ANKS3: variants seen among roughly 807,000 people sequenced by gnomAD.
ANKS3 encodes ankyrin repeat and SAM domain-containing protein 3.
Under a neutral mutation model 80.7 loss-of-function variants are expected in ANKS3, and 62 were observed. The ratio of observed to expected loss-of-function variants is 0.77; its 90% CI spans 0.63 to 0.95. ANKS3 has a LOEUF of 0.95. Ranked by LOEUF, ANKS3 falls within the 40% of genes least tolerant of loss-of-function variation. The pLI is 0.00. For synonymous variants in ANKS3, 489 were observed against 355.3 expected, an observed-to-expected ratio of 1.38 and a Z score of -4.23; for missense variants, 1,150 against 883.6, an observed-to-expected ratio of 1.30 and a Z score of -3.82.
intron 16 of ANKS3, 100 bp from the exon 17 acceptor site, chr16:4,697,204 C>G (rs752152210): frequency 6.4e-7 from 1 of 1,554,674 alleles, no homozygotes; most frequent in South Asian, 1.1e-5. Context: ...GCCCCTCACC[C>G]GTTATGGCCC....
intron 11 of ANKS3, chr16:4,700,468 G>A (rs968952147): frequency 2.9e-5 from 7 of 238,320 alleles, no homozygotes; most frequent in East Asian, 1.2e-4. Context: ...TCTCCTCTCC[G>A]TGCCTCTTCT....
At chr16:4,723,244 C>T (rs1026546535) in intron 6 of ANKS3, among the ~76,000 whole-genome samples, 3 of 152,188 alleles carry the variant, frequency 2.0e-5, no homozygotes, top group Non-Finnish European at 4.4e-5. Flanking sequence ...GTTGTTCAAC[C>T]ATCACCACAA....
Position 4,714,076 on chromosome 16 carries a change from C to T in ANKS3, c.684G>A (p.Leu228=). 6.2e-7 allele frequency: 1 copy of T among 1,614,158 alleles called. No individual in the cohort carries two copies. Among genetic ancestry groups the T allele is most frequent in the Non-Finnish European group, 8.5e-7 (1 of 1,180,020 alleles). ...CTGGGCTCCGATAGAGGCTCTTGGG[C>T]AGAGAGGGCGAGTAAGTGTCCATCA... The part of the protein sequence containing the change: ...VALMDTYSPS[L]PKSLYRSPEK... Residue 228 remains leucine, a synonymous_variant, in exon 7 of 18, where the codon CTG becomes CTA. Transcript: ENST00000304283.
intron 7 of ANKS3, among the ~76,000 whole-genome samples, chr16:4,712,580 T>A (rs1431226460): frequency 6.6e-6 from 1 of 152,154 alleles, no homozygotes; most frequent in African/African-American, 2.4e-5. Flanking sequence ...AAATTCACCA[T>A]CGTCTCCAAA....
intron 8 of ANKS3, among the ~76,000 whole-genome samples, chr16:4,704,510 A>G (rs1477453930): frequency 1.3e-5 from 2 of 152,162 alleles, no homozygotes; most frequent in African/African-American, 4.8e-5. Flanking sequence ...AAGAAACCCC[A>G]GCACTCCCCA....
intron 8 of ANKS3, among the ~76,000 whole-genome samples, chr16:4,703,652 C>T (rs1444017241): frequency 6.6e-6 from 1 of 152,154 alleles, no homozygotes; most frequent in Non-Finnish European, 1.5e-5. Flanking sequence ...ATCTCTTGAT[C>T]CACCTGCCTC....
intron 7 of ANKS3, 147 bp from the exon 8 acceptor site, chr16:4,705,400 C>A: frequency 2.1e-6 from 2 of 962,338 alleles, no homozygotes. Flanking sequence ...CTGAGAAATG[C>A]CCTAACAGGC....
chr16:4,733,276 T>C (rs922939740), intron 1 of ANKS3, among the ~76,000 whole-genome samples: 1 of 150,144 alleles, frequency 6.7e-6, no homozygotes, highest in Non-Finnish European at 1.5e-5. Flanking sequence ...TATAATCTAA[T>C]TGCACATTTT....
chr16:4,710,811 T>A (rs955396381), intron 7 of ANKS3, among the ~76,000 whole-genome samples: 2 of 152,230 alleles, frequency 1.3e-5, no homozygotes, highest in African/African-American at 4.8e-5. Context: ...TCTATTTACT[T>A]TTCTTTGAGA....
chr16:4,707,537 C>G lies in ANKS3; in HGVS notation c.710-2284G>C, dbSNP rs1057437137. Among the ~76,000 whole-genome samples the G allele has an allele frequency of 3.0e-4, 45 of 152,210 alleles. 1 individual carries two copies. The highest frequency in any genetic ancestry group is 2.8e-3 in the Admixed American group (43 of 15,274). On this transcript the variant is annotated intron_variant, in intron 7 of 17. Coordinates refer to ENST00000304283, the MANE Select transcript of ANKS3 (RefSeq NM_133450.4). ...CCTCAGGGGATCTGCCCGCCTTGGC[C>G]TCCCAAAGTGCTCGGATTACAGGTA...
chr16:4,719,662 G>A (rs1279441507), intron 6 of ANKS3, among the ~76,000 whole-genome samples: 3 of 151,472 alleles, frequency 2.0e-5, no homozygotes, highest in Admixed American at 6.6e-5. Context: ...AGCCAGGCGT[G>A]GTAGTGCGTG....
At chr16:4,724,941 C>T (rs1200413836) in intron 5 of ANKS3, 110 bp from the exon 6 acceptor site, 4 of 817,420 alleles carry the variant, frequency 4.9e-6, no homozygotes, top group South Asian at 3.3e-5. Context: ...GATCCCTAAG[C>T]GTAGAACACT....
At chr16:4,712,095 G>A (rs952904482) in intron 7 of ANKS3, among the ~76,000 whole-genome samples, 5 of 152,232 alleles carry the variant, frequency 3.3e-5, no homozygotes, top group African/African-American at 1.2e-4. Flanking sequence ...ACCACGCCGG[G>A]AGCGGTGGCT....
At chr16:4,706,446 AG>A (rs1287266656) in intron 7 of ANKS3, among the ~76,000 whole-genome samples, 1 of 152,254 alleles carries the variant, frequency 6.6e-6, no homozygotes, top group East Asian at 1.9e-4. Context: ...CATGTTGGCC[AG>A]GCTGGTCTCG....
chr16:4,723,202 T>C (rs186534067), intron 6 of ANKS3, among the ~76,000 whole-genome samples: 1 of 152,328 alleles, frequency 6.6e-6, no homozygotes, highest in East Asian at 1.9e-4. Flanking sequence ...CCACTTACAA[T>C]GTACAATTCA....
intron 8 of ANKS3, among the ~76,000 whole-genome samples, chr16:4,704,157 C>T (rs937568567): frequency 6.6e-6 from 1 of 152,230 alleles, no homozygotes; most frequent in African/African-American, 2.4e-5. Context: ...TCAGCTCACC[C>T]TTCCCAGGAT....
At position 4,713,324 on chromosome 16, in the gene ANKS3, T is replaced by C. The variant is rs146656825; in HGVS notation, c.709+727A>G. Among the ~76,000 whole-genome samples the C allele has an allele frequency of 2.0e-4, 30 of 151,732 alleles. No homozygotes were observed. The East Asian group carries it at 5.0e-3, about 25-fold the overall frequency. Reference sequence around the variant, plus strand: ...ACTGCCTTCAAATGCACTGACAATATGCAGTGAAACGATATAATGACACCA... The same window carrying C: ...ACTGCCTTCAAATGCACTGACAATACGCAGTGAAACGATATAATGACACCA... On this transcript the variant is annotated intron_variant, in intron 7 of 17. Coordinates refer to ENST00000304283, the MANE Select transcript of ANKS3 (RefSeq NM_133450.4).
chr16:4,718,151 C>T (rs1012634778), intron 6 of ANKS3, among the ~76,000 whole-genome samples: 1 of 151,700 alleles, frequency 6.6e-6, no homozygotes, highest in Non-Finnish European at 1.5e-5. Flanking sequence ...CAACTCCAGC[C>T]TCAAGCGATC....
Position 4,714,111 on chromosome 16 carries a change from T to C in ANKS3, c.649A>G (p.Ile217Val). The change falls in exon 7 of 18, where the codon ATC (isoleucine) becomes GTC (valine). Residue 217 changes from isoleucine to valine, a missense_variant. Ile to Val is a conservative substitution (Grantham distance 29). Coordinates refer to ENST00000304283, the MANE Select transcript of ANKS3 (RefSeq NM_133450.4). ...GAGTAAGTGTCCATCAAGGCCACGA[T>C]CTTCATGTGTCCGTACTGCTTGGCC... is the stretch of plus-strand genomic sequence containing the variant. ...MLAKQYGHMK[I>V]VALMDTYSPS... The C allele has an allele frequency of 1.2e-6, 2 of 1,614,118 alleles. No individual in the cohort carries two copies. The highest frequency in any genetic ancestry group is 1.7e-6 in the Non-Finnish European group (2 of 1,180,024).
Sources: gnomAD v4.1 joint callset for allele counts (sites outside exome capture counted in the v4.1 genomes callset) on GRCh38, gnomAD v4.1.1 for gene constraint, MANE v1.5 for transcripts, NCBI Gene and HGNC (gene_info 2026-07-23, HGNC 2026-07-21) for gene names.